The following SIPA1L2 variants were observed in gnomAD, a reference collection of about 807,000 sequenced individuals.
SIPA1L2 encodes signal induced proliferation associated 1 like 2.
In SIPA1L2, 56 loss-of-function variants were observed where a neutral mutation model predicts 163.9. That is an observed-to-expected ratio of 0.34 (90% confidence interval 0.28 to 0.43). SIPA1L2 has a LOEUF of 0.43. SIPA1L2 is among the 20% of genes least tolerant of loss of function. The probability of loss-of-function intolerance (pLI) is 1.00; values close to 1 mark genes in which losing one functional copy is unlikely to be tolerated. For synonymous variants in SIPA1L2, 877 were observed against 865.7 expected (o/e 1.01, Z -0.23); for missense variants, 1,974 against 2,193.5 (o/e 0.90, Z 2.00).
chr1:232,500,911 T>C (rs75019257), intron 3 of SIPA1L2, among the ~76,000 whole-genome samples: 94 of 152,180 alleles, frequency 6.2e-4, no homozygotes, highest in African/African-American at 2.1e-3. Context: ...TTTTAATAAA[T>C]TGTCACAGCC....
At chr1:232,475,242 A>T (rs1558206698) in intron 7 of SIPA1L2, among the ~76,000 whole-genome samples, 1 of 152,168 alleles carries the variant, frequency 6.6e-6, no homozygotes, top group Non-Finnish European at 1.5e-5. Flanking sequence ...CCATATAGAC[A>T]GCGTCTTGTC....
At chr1:232,539,358 CGAG>C (rs1239682401) in intron 2 of SIPA1L2, among the ~76,000 whole-genome samples, 9 of 152,314 alleles carry the variant, frequency 5.9e-5, no homozygotes, top group East Asian at 5.8e-4. Context: ...AAAGGTCAAA[CGAG>C]AACACTCAAA....
intron 2 of SIPA1L2, among the ~76,000 whole-genome samples, chr1:232,537,295 T>G (rs1446663157): frequency 6.6e-6 from 1 of 152,136 alleles, no homozygotes; most frequent in Non-Finnish European, 1.5e-5. Flanking sequence ...CCAAGCAATT[T>G]GTAAATACAG....
intron 2 of SIPA1L2, among the ~76,000 whole-genome samples, chr1:232,529,605 A>T (rs1217588026): frequency 2.0e-5 from 3 of 152,198 alleles, no homozygotes; most frequent in Non-Finnish European, 4.4e-5. Flanking sequence ...TTCTTGGCTC[A>T]TGCTAGCTAA....
At position 232,445,596 on chromosome 1, in the gene SIPA1L2, G is replaced by C. The variant is rs776274226; in HGVS notation, c.3286C>G (p.Leu1096Val). ...TPDRLPCQQL[L>V]QQAQAAIPRS... is the part of the protein sequence containing the mutation. ...GGAATGGCAGCCTGGGCCTGCTGGA[G>C]CAGCTGTTGGCACGGCAGCCGGTCG... Residue 1096 changes from leucine (L) to valine (V), a missense_variant, in exon 11 of 23, where the codon CTC becomes GTC. Transcript: ENST00000674635. 1 of 1,613,932 alleles carries C rather than the reference G, an allele frequency of 6.2e-7. No homozygotes were observed. Among genetic ancestry groups the C allele is most frequent in the East Asian group, 2.2e-5 (1 of 44,874 alleles).
At position 232,517,070 on chromosome 1, in the gene SIPA1L2, G is replaced by A. The variant is rs1667249620; in HGVS notation, c.-269-1462C>T. Among the ~76,000 whole-genome samples the A allele has an allele frequency of 4.6e-5, 7 of 152,188 alleles. No homozygotes were observed. In the South Asian group the frequency reaches 1.5e-3, roughly 32 times the overall value. On this transcript the variant is annotated intron_variant, in intron 2 of 22. Transcript: ENST00000674635. ...ATTGCAGTGTTTTCTATTTCCAGGG[G>A]TCTTTATTTTACAGGTCACTTGTGG...
At chr1:232,627,146 A>G (rs1663122244) in intron 1 of SIPA1L2, among the ~76,000 whole-genome samples, 1 of 152,202 alleles carries the variant, frequency 6.6e-6, no homozygotes, top group Non-Finnish European at 1.5e-5. Context: ...CTCAACTACC[A>G]CCATAAATTG....
chr1:232,504,430 C>T (rs1199282273), intron 3 of SIPA1L2, among the ~76,000 whole-genome samples: 2 of 151,694 alleles, frequency 1.3e-5, no homozygotes, highest in Admixed American at 6.6e-5. Context: ...TCCAGCTACT[C>T]GGGAGGCTGA....
chr1:232,629,502 C>G (rs995908495), intron 1 of SIPA1L2, among the ~76,000 whole-genome samples: 2 of 152,184 alleles, frequency 1.3e-5, no homozygotes, highest in African/African-American at 4.8e-5. Context: ...GAAGCTGCGT[C>G]GGGCAACCGC....
chr1:232,403,450 A>C lies in SIPA1L2; in HGVS notation c.4938T>G (p.Thr1646=), dbSNP rs1258529111. Reference sequence around the variant, plus strand: ...GGGGTCCACAGGGGCTCACATACCCAGTTGTGTCCATGAACTCTTTGCCAC... The same window carrying C: ...GGGGTCCACAGGGGCTCACATACCCCGTTGTGTCCATGAACTCTTTGCCAC... The part of the protein sequence containing the change: ...PGSGKEFMDT[T]GERSPSPLTG... Residue 1646 remains threonine, a splice_region_variant and synonymous_variant, in exon 21 of 23, where the codon ACT becomes ACG. Transcript: ENST00000674635. The C allele has an allele frequency of 6.2e-7, 1 of 1,613,276 alleles. No individual in the cohort carries two copies. The highest frequency in any genetic ancestry group is 1.1e-5 in the South Asian group (1 of 90,884).
chr1:232,620,788 A>C (rs1434615335), intron 1 of SIPA1L2, among the ~76,000 whole-genome samples: 1 of 152,258 alleles, frequency 6.6e-6, no homozygotes, highest in African/African-American at 2.4e-5. Context: ...GAGCCAGCTA[A>C]GCATTTCAGT....
chr1:232,507,728 C>T (rs902717269), intron 3 of SIPA1L2, among the ~76,000 whole-genome samples: 1 of 152,146 alleles, frequency 6.6e-6, no homozygotes, highest in Non-Finnish European at 1.5e-5. Context: ...CAGTCATTAA[C>T]TTATCTGCCC....
chr1:232,506,309 T>C (rs753593768), intron 3 of SIPA1L2, among the ~76,000 whole-genome samples: 3 of 152,148 alleles, frequency 2.0e-5, no homozygotes, highest in Non-Finnish European at 4.4e-5. Flanking sequence ...TCTAAGCCCT[T>C]TACAGGGGGG....
intron 1 of SIPA1L2, among the ~76,000 whole-genome samples, chr1:232,576,778 C>T (rs1660101351): frequency 6.6e-6 from 1 of 152,138 alleles, no homozygotes; most frequent in African/African-American, 2.4e-5. Flanking sequence ...GAAAGCAAAA[C>T]AATCTCGTTG....
chr1:232,598,841 T>C (rs945018786), intron 1 of SIPA1L2, among the ~76,000 whole-genome samples: 34 of 151,674 alleles, frequency 2.2e-4, no homozygotes, highest in African/African-American at 7.0e-4. Flanking sequence ...GGAATATAAA[T>C]ATTCAGACCA....
chr1:232,427,025 G>A (rs1661945255), intron 17 of SIPA1L2, among the ~76,000 whole-genome samples: 1 of 152,184 alleles, frequency 6.6e-6, no homozygotes, highest in Non-Finnish European at 1.5e-5. Context: ...CTTTCCAACT[G>A]ATGAAAGGTA....
At chr1:232,597,422 A>T (rs1053103172) in intron 1 of SIPA1L2, among the ~76,000 whole-genome samples, 2 of 151,914 alleles carry the variant, frequency 1.3e-5, no homozygotes, top group Non-Finnish European at 2.9e-5. Context: ...TCACACCTGT[A>T]ATCCCAGCAC....
chr1:232,572,949 T>C (rs996170851), intron 2 of SIPA1L2, among the ~76,000 whole-genome samples: 10 of 151,512 alleles, frequency 6.6e-5, no homozygotes, highest in Admixed American at 5.9e-4. Flanking sequence ...CGTCTAATTT[T>C]TTTGTATTTT....
chr1:232,446,619 G>C (rs1181183535), intron 10 of SIPA1L2, among the ~76,000 whole-genome samples: 1 of 152,242 alleles, frequency 6.6e-6, no homozygotes. Context: ...ACCAGTCTTA[G>C]TGACCAAAAG....
Sources: allele counts gnomAD v4.1 joint callset (sites outside exome capture counted in the v4.1 genomes callset), GRCh38; gene constraint gnomAD v4.1.1; transcripts MANE v1.5; gene names NCBI Gene and HGNC (gene_info 2026-07-23, HGNC 2026-07-21).